AFG2A: variants seen among roughly 807,000 people sequenced by gnomAD.
The protein encoded by AFG2A is AAA ATPase AFG2A, also known as ATPase family gene 2 protein homolog A.
chr4:123,028,409 T>C, the AFG2A span: 20 of 1,610,716 alleles, frequency 1.2e-5, no homozygotes, highest in Admixed American at 3.3e-4. Context: ...GGGTGTTAAA[T>C]TTTTTAATCG....
chr4:122,938,089 A>C, the AFG2A span: 1 of 1,540,562 alleles, frequency 6.5e-7, no homozygotes, highest in South Asian at 1.3e-5. Context: ...AAAATCAAAT[A>C]TAGATGAGAG....
the AFG2A span, among the ~76,000 whole-genome samples, chr4:123,264,005 A>G: frequency 6.6e-6 from 1 of 152,236 alleles, no homozygotes; most frequent in African/African-American, 2.4e-5. Context: ...TGGCATATAT[A>G]TACACCATGG....
chr4:122,962,716 G>A, the AFG2A span, among the ~76,000 whole-genome samples: 1 of 152,078 alleles, frequency 6.6e-6, no homozygotes, highest in African/African-American at 2.4e-5. Flanking sequence ...CTAAATAAAA[G>A]TTATTTCTGA....
the AFG2A span, among the ~76,000 whole-genome samples, chr4:122,966,706 C>T: frequency 5.3e-5 from 8 of 152,150 alleles, no homozygotes; most frequent in South Asian, 2.1e-4. Flanking sequence ...AAACTGAGTT[C>T]GATGTTCCTG....
the AFG2A span, among the ~76,000 whole-genome samples, chr4:123,184,532 CT>C: frequency 9.9e-4 from 88 of 89,266 alleles, no homozygotes; most frequent in South Asian, 2.3e-3. Flanking sequence ...ATGATCATTT[CT>C]TTTTTTTTTT....
chr4:123,072,280 T>C, the AFG2A span, among the ~76,000 whole-genome samples: 1 of 152,172 alleles, frequency 6.6e-6, no homozygotes, highest in Admixed American at 6.5e-5. Context: ...TCAACTCTTA[T>C]TAATACAGTG....
At chr4:123,293,185 G>A in the AFG2A span, among the ~76,000 whole-genome samples, 1 of 152,164 alleles carries the variant, frequency 6.6e-6, no homozygotes, top group African/African-American at 2.4e-5. Context: ...GTGCACCCAA[G>A]CCAAGCTCCT....
chr4:123,145,287 A>G, the AFG2A span, among the ~76,000 whole-genome samples: 1 of 152,106 alleles, frequency 6.6e-6, no homozygotes, highest in East Asian at 1.9e-4. Flanking sequence ...AATGAAACTG[A>G]AAACTGTGGA....
the AFG2A span, among the ~76,000 whole-genome samples, chr4:123,199,462 G>GTGTTT: frequency 1.7e-4 from 8 of 47,412 alleles, 1 homozygote; most frequent in Non-Finnish European, 2.7e-4. Context: ...ATACTCAGAG[G>GTGTTT]TTTTTTTTTT....
chr4:123,046,639 G>A, the AFG2A span, among the ~76,000 whole-genome samples: 23 of 151,964 alleles, frequency 1.5e-4, no homozygotes, highest in Admixed American at 9.8e-4. Flanking sequence ...TCTTGGTTTC[G>A]GGAACATTAC....
chr4:123,236,189 A>G, the AFG2A span, among the ~76,000 whole-genome samples: 1 of 152,188 alleles, frequency 6.6e-6, no homozygotes, highest in Non-Finnish European at 1.5e-5. Context: ...AAGGCTTCAT[A>G]GATACTGTTT....
At chr4:122,986,006 T>G in the AFG2A span, among the ~76,000 whole-genome samples, 1 of 152,002 alleles carries the variant, frequency 6.6e-6, no homozygotes, top group Non-Finnish European at 1.5e-5. Context: ...AATTTTTTAA[T>G]TTTCATCTTG....
At chr4:123,078,110 G>A in the AFG2A span, among the ~76,000 whole-genome samples, 1 of 152,090 alleles carries the variant, frequency 6.6e-6, no homozygotes, top group East Asian at 1.9e-4. Flanking sequence ...TAGGCATTGG[G>A]TGAGAGTTTT....
the AFG2A span, among the ~76,000 whole-genome samples, chr4:123,091,425 T>C: frequency 6.6e-6 from 1 of 152,242 alleles, no homozygotes; most frequent in Admixed American, 6.5e-5. Flanking sequence ...ATCTTACTTT[T>C]AGCATATTTC....
the AFG2A span, among the ~76,000 whole-genome samples, chr4:123,153,519 C>CA: frequency 0.015 from 2,312 of 152,278 alleles, 22 homozygotes; most frequent in African/African-American, 0.025. Flanking sequence ...AGATTTGTTA[C>CA]ATAGGTAAAC....
At chr4:123,267,041 G>T in the AFG2A span, among the ~76,000 whole-genome samples, 9 of 152,094 alleles carry the variant, frequency 5.9e-5, no homozygotes, top group South Asian at 1.7e-3. Flanking sequence ...GTGTATGAAA[G>T]ACACAATTGA....
the AFG2A span, chr4:122,935,595 TGACTC>T: frequency 8.2e-7 from 1 of 1,215,186 alleles, no homozygotes; most frequent in Non-Finnish European, 1.1e-6. Flanking sequence ...AAAAAACTCT[TGACTC>T]TTTTTGTGAC....
the AFG2A span, among the ~76,000 whole-genome samples, chr4:123,052,766 A>G: frequency 0.014 from 2,076 of 152,268 alleles, 49 homozygotes; most frequent in African/African-American, 0.047. Flanking sequence ...CATGATCACA[A>G]GTGAAAATCC....
At chr4:122,996,754 T>C in the AFG2A span, among the ~76,000 whole-genome samples, 1 of 151,784 alleles carries the variant, frequency 6.6e-6, no homozygotes, top group Non-Finnish European at 1.5e-5. Context: ...AGTCCCAGGG[T>C]CTCATAATCA....
Sources: gnomAD v4.1 joint callset for allele counts (sites outside exome capture counted in the v4.1 genomes callset) on GRCh38, gnomAD v4.1.1 for gene constraint, MANE v1.5 for transcripts, NCBI Gene and HGNC (gene_info 2026-07-23, HGNC 2026-07-21) for gene names.